Variants in UBAP1 observed in about 807,000 individuals in gnomAD.
UBAP1 encodes ubiquitin-associated protein 1.
In UBAP1, 5 loss-of-function variants were observed where a neutral mutation model predicts 39.0. The ratio of observed to expected loss-of-function variants is 0.13; its 90% CI spans 0.07 to 0.27. The LOEUF is 0.27. Among genes scored for constraint, UBAP1 ranks in the 10% least tolerant of loss-of-function variants. The pLI is 1.00. For missense variants in UBAP1, 490 were observed against 608.1 expected, an observed-to-expected ratio of 0.81 and a Z score of 2.04; for synonymous variants, 211 against 225.1, an observed-to-expected ratio of 0.94 and a Z score of 0.56.
intron 1 of UBAP1, among the ~76,000 whole-genome samples, chr9:34,211,544 A>G (rs114175525): frequency 1.1e-4 from 17 of 152,158 alleles, no homozygotes; most frequent in African/African-American, 3.9e-4. Flanking sequence ...AGAGTATTAT[A>G]ATAATTTGAC....
At chr9:34,240,625 A>G (rs542964298) in intron 3 of UBAP1, among the ~76,000 whole-genome samples, 18 of 152,314 alleles carry the variant, frequency 1.2e-4, no homozygotes, top group African/African-American at 3.8e-4. Context: ...CTGATTTCTT[A>G]TAAGTTTTTC....
chr9:34,216,338 C>T (rs1361334854), intron 1 of UBAP1, among the ~76,000 whole-genome samples: 1 of 152,156 alleles, frequency 6.6e-6, no homozygotes. Context: ...CTTTCCTTCA[C>T]TCCAAAGGAG....
In UBAP1 at chr9:34,181,116, CTTTT is replaced by C. The variant is rs67856544; in HGVS notation, c.-8+1890_-8+1893del. Among the ~76,000 whole-genome samples, 49 of 72,274 alleles carry C rather than the reference CTTTT, an allele frequency of 6.8e-4. 1 individual carries two copies. In the East Asian group the frequency reaches 7.2e-3, roughly 11 times the overall value. The allele number at this position is 72,274 out of a possible 152,430, so 47.4% of individuals were successfully genotyped here. On this transcript the variant is annotated intron_variant, in intron 1 of 6. Coordinates refer to ENST00000297661, the MANE Select transcript of UBAP1 (RefSeq NM_016525.5). The stretch of plus-strand genomic sequence containing the variant: ...TGAGCCACCGCACCCGGCCTGTTTT[CTTTT>C]TTTTTTTTTTTTTGAGACAGAGTTT...
At chr9:34,192,809 G>T (rs1222864098) in intron 1 of UBAP1, among the ~76,000 whole-genome samples, 1 of 152,030 alleles carries the variant, frequency 6.6e-6, no homozygotes, top group Non-Finnish European at 1.5e-5. Context: ...CCCCTGCAAA[G>T]AAATATAATT....
chr9:34,233,709 GTAATA>G (rs1408194029), intron 2 of UBAP1, among the ~76,000 whole-genome samples: 1 of 152,128 alleles, frequency 6.6e-6, no homozygotes, highest in Admixed American at 6.6e-5. Context: ...AAGGTAAATG[GTAATA>G]TGAGAGTATT....
At chr9:34,248,286 G>A (rs929918271) in intron 4 of UBAP1, among the ~76,000 whole-genome samples, 3 of 151,830 alleles carry the variant, frequency 2.0e-5, no homozygotes, top group South Asian at 2.1e-4. Flanking sequence ...CACCTGCCTC[G>A]GCCTCCCAAA....
rs1282584695 is a variant in UBAP1 at position 34,179,191 on chromosome 9, C to G, written c.-57C>G. 1 of 1,219,352 alleles carries G rather than the reference C, an allele frequency of 8.2e-7. No individual in the cohort carries two copies. Among genetic ancestry groups the G allele is most frequent in the Non-Finnish European group, 1.0e-6 (1 of 978,460 alleles). The allele number at this position is 1,219,352 out of a possible 1,614,324, so 75.5% of individuals were successfully genotyped here. On this transcript the variant is annotated 5_prime_UTR_variant, in exon 1 of 7. Coordinates refer to ENST00000297661, the MANE Select transcript of UBAP1 (RefSeq NM_016525.5). ...CGGGGACCGAGCCTGGGAGGCCGGC[C>G]GGTGCCAGCACCTTTCGGCTTCTGA... is the stretch of plus-strand genomic sequence containing the variant.
chr9:34,223,900 G>GT, intron 2 of UBAP1: 2 of 260,668 alleles, frequency 7.7e-6, no homozygotes, highest in African/African-American at 2.2e-5. Flanking sequence ...TGTTTTTTTT[G>GT]TTTTTGTTTT....
intron 4 of UBAP1, among the ~76,000 whole-genome samples, chr9:34,247,848 G>A (rs2131631982): frequency 6.6e-6 from 1 of 152,130 alleles, no homozygotes; most frequent in East Asian, 1.9e-4. Flanking sequence ...ATGTTGAGAT[G>A]GATATATTCC....
At chr9:34,221,408 A>G (rs994143682) in intron 2 of UBAP1, among the ~76,000 whole-genome samples, 1 of 151,882 alleles carries the variant, frequency 6.6e-6, no homozygotes, top group Non-Finnish European at 1.5e-5. Flanking sequence ...GGGCGCCTGT[A>G]GTCCTAGCTA....
Position 34,221,046 on chromosome 9 carries a change from C to CT in UBAP1, c.34+102dup, listed in dbSNP as rs1458265064. On this transcript the variant is annotated intron_variant, in intron 2 of 6. Transcript: ENST00000297661. The stretch of plus-strand genomic sequence containing the variant: ...TAAGTACAAGTGCCCCTTTTTGTCT[C>CT]TTTTAATGAACAGCTTGACAAAAAT... The CT allele has an allele frequency of 9.4e-6, 10 of 1,060,850 alleles. No individual in the cohort carries two copies. The Admixed American group carries it at 1.0e-4, about 11-fold the overall frequency. The allele number at this position is 1,060,850 out of a possible 1,614,324, so 65.7% of individuals were successfully genotyped here. A position where few individuals can be genotyped will look rare whatever the true frequency, so the allele number is the denominator to read the frequency against.
chr9:34,232,840 A>C (rs891867767), intron 2 of UBAP1, among the ~76,000 whole-genome samples: 1 of 152,228 alleles, frequency 6.6e-6, no homozygotes, highest in Non-Finnish European at 1.5e-5. Context: ...TGAAAAACAA[A>C]ATTTATTTTA....
chr9:34,234,152 A>G, intron 2 of UBAP1, 64 bp from the exon 3 acceptor site: 1 of 1,524,132 alleles, frequency 6.6e-7, no homozygotes. Context: ...GTTAGACATA[A>G]GATTATGGCA....
At chr9:34,203,722 C>T (rs1056633062) in intron 1 of UBAP1, among the ~76,000 whole-genome samples, 7 of 152,170 alleles carry the variant, frequency 4.6e-5, no homozygotes, top group African/African-American at 1.4e-4. Context: ...ATTTCATAAG[C>T]ATGTGAAATT....
Position 34,182,651 on chromosome 9 carries a change from CTT to C in UBAP1, c.-8+3413_-8+3414del, listed in dbSNP as rs1162910742. On this transcript the variant is annotated intron_variant, in intron 1 of 6. Transcript: ENST00000297661. ...TCTTTCTTTCTTTCTTTCTTTCTTT[CTT>C]TCTTTCTTTCTTTCTTTCTTTCTTT... Among the ~76,000 whole-genome samples the C allele has an allele frequency of 4.7e-4, 28 of 59,586 alleles. 1 individual carries two copies. The highest frequency in any genetic ancestry group is 9.6e-4 in the South Asian group (1 of 1,040). 39.1% of individuals were successfully genotyped at this position (59,586 alleles called of 152,430 possible).
chr9:34,205,851 G>A (rs1831654298), intron 1 of UBAP1, among the ~76,000 whole-genome samples: 1 of 152,164 alleles, frequency 6.6e-6, no homozygotes, highest in Admixed American at 6.6e-5. Flanking sequence ...AATTAGCCAG[G>A]TGTGGTGGCG....
intron 1 of UBAP1, among the ~76,000 whole-genome samples, chr9:34,194,313 C>A (rs192469257): frequency 5.1e-4 from 77 of 151,154 alleles, no homozygotes; most frequent in African/African-American, 1.8e-3. Flanking sequence ...AAGAAAAATT[C>A]TCTCTCTTTT....
rs114560835 is a variant in UBAP1, at chr9:34,214,882, A to G, written c.-7-6026A>G. 7.9e-3 allele frequency among the ~76,000 whole-genome samples: 1,200 copies of G among 152,346 alleles called. 18 individuals carry two copies. The highest frequency in any genetic ancestry group is 0.027 in the African/African-American group (1,126 of 41,574). The stretch of plus-strand genomic sequence containing the variant: ...GGCCAACAAACATGAAAAATGCCCA[A>G]CATCACTAATGATCAGGGAAGTGCA... On this transcript the variant is annotated intron_variant, in intron 1 of 6. Coordinates refer to ENST00000297661, the MANE Select transcript of UBAP1 (RefSeq NM_016525.5).
chr9:34,246,588 A>T (rs1834187724), intron 4 of UBAP1, among the ~76,000 whole-genome samples: 1 of 152,246 alleles, frequency 6.6e-6, no homozygotes, highest in African/African-American at 2.4e-5. Context: ...ACACTAATGT[A>T]ATGTGATAAG....
Sources: allele counts gnomAD v4.1 joint callset (sites outside exome capture counted in the v4.1 genomes callset), GRCh38; gene constraint gnomAD v4.1.1; transcripts MANE v1.5; gene names NCBI Gene and HGNC (gene_info 2026-07-23, HGNC 2026-07-21).